Variants in SMIM22 observed in about 807,000 individuals in gnomAD.
SMIM22 encodes the protein cancer associated small integral membrane open reading frame 1.
Under a neutral mutation model 8.4 loss-of-function variants are expected in SMIM22, and 16 were observed. That is an observed-to-expected ratio of 1.90 (90% confidence interval 1.29 to 2.89). The LOEUF (loss-of-function observed/expected upper bound fraction) is 2.89, where lower values mean the gene tolerates loss of function less well. Among genes scored for constraint, SMIM22 ranks in the 30% most tolerant of loss-of-function variants. The probability of loss-of-function intolerance (pLI) is 0.00; values close to 1 mark genes in which losing one functional copy is unlikely to be tolerated. For synonymous variants in SMIM22, 67 were observed against 47.6 expected, an observed-to-expected ratio of 1.41 and a Z score of -1.68; for missense variants, 159 against 107.5, an observed-to-expected ratio of 1.48 and a Z score of -2.12.
upstream of SMIM22, among the ~76,000 whole-genome samples, chr16:4,790,818 GTAAA>G (rs113274697): frequency 3.7e-3 from 562 of 152,224 alleles, 6 homozygotes; most frequent in Non-Finnish European, 6.1e-3. Context: ...AAATAAGTAA[GTAAA>G]TAAATAAAGG....
upstream of SMIM22, among the ~76,000 whole-genome samples, chr16:4,791,093 C>T (rs185824192): frequency 3.3e-5 from 5 of 152,342 alleles, no homozygotes; most frequent in South Asian, 4.1e-4. Flanking sequence ...TAAGGAAATG[C>T]GCCTCTGTGC....
chr16:4,789,833 A>C (rs1469400595), intron 2 of SMIM22: 1 of 151,794 alleles, frequency 6.6e-6, no homozygotes, highest in Non-Finnish European at 1.5e-5. Context: ...TGACTTCACA[A>C]GGCTTAGGCA....
At chr16:4,793,982 CG>C (rs778046203), upstream of SMIM22, among the ~76,000 whole-genome samples, 4 of 152,096 alleles carry the variant, frequency 2.6e-5, no homozygotes, top group South Asian at 2.1e-4. Flanking sequence ...GTCACCCAGG[CG>C]GGTGTGCGGT....
intron 2 of SMIM22, among the ~76,000 whole-genome samples, chr16:4,789,274 A>C (rs1406189233): frequency 1.3e-5 from 2 of 151,440 alleles, no homozygotes; most frequent in Non-Finnish European, 2.9e-5. Flanking sequence ...GGTCTCCCAA[A>C]GTGTTGGGAT....
At position 4,789,417 on chromosome 16, in the gene SMIM22, C is replaced by T. The variant is rs2141887352; in HGVS notation, c.-146+646C>T. Among the ~76,000 whole-genome samples, 3 of 152,126 alleles carry T rather than the reference C, an allele frequency of 2.0e-5. 1 individual carries two copies. The South Asian group carries it at 6.2e-4, about 32-fold the overall frequency. ...CTCGGCTCACTGTAAGCTCTGCCTCCCGGGTTCACGCCGCTCTCCTGCCTC... is the reference window on the plus strand; with the variant it reads ...CTCGGCTCACTGTAAGCTCTGCCTCTCGGGTTCACGCCGCTCTCCTGCCTC... On this transcript the variant is annotated intron_variant, in intron 2 of 5. Coordinates refer to the SMIM22 transcript ENST00000589327.
At chr16:4,794,710 G>A (rs1188439866), upstream of SMIM22, among the ~76,000 whole-genome samples, 2 of 152,100 alleles carry the variant, frequency 1.3e-5, no homozygotes, top group Non-Finnish European at 2.9e-5. Context: ...GTGAGCCACT[G>A]CGCCCGGCCC....
upstream of SMIM22, among the ~76,000 whole-genome samples, chr16:4,791,209 C>A (rs971262283): frequency 6.6e-6 from 1 of 152,148 alleles, no homozygotes; most frequent in African/African-American, 2.4e-5. Flanking sequence ...GTAGGGACTG[C>A]ACCATGTAAG....
At position 4,795,782 on chromosome 16, in the gene SMIM22, G is replaced by A. The variant is rs1481334189; in HGVS notation, c.48G>A (p.Leu16=). The A allele has an allele frequency of 6.5e-7, 1 of 1,535,868 alleles. No homozygotes were observed. Among genetic ancestry groups the A allele is most frequent in the Non-Finnish European group, 8.7e-7 (1 of 1,146,836 alleles). Residue 16 remains leucine, a synonymous_variant, in exon 2 of 4, where the codon CTG becomes CTA. Transcript: ENST00000586005. ...TGGAGGCCACGGTTCAGGAAGTCCT[G>A]GGGAGACTGAAGAGCCACCAGTTTT... ...EELEATVQEV[L]GRLKSHQFFQ...
upstream of SMIM22, among the ~76,000 whole-genome samples, chr16:4,790,712 C>T (rs553482902): frequency 6.6e-6 from 1 of 152,252 alleles, no homozygotes; most frequent in South Asian, 2.1e-4. Context: ...TAGCTTGAAC[C>T]GAGGAGGTGG....
upstream of SMIM22, among the ~76,000 whole-genome samples, chr16:4,791,754 C>G (rs1433957333): frequency 6.6e-6 from 1 of 152,150 alleles, no homozygotes; most frequent in Non-Finnish European, 1.5e-5. Context: ...GTGGCGAGAT[C>G]TTGGCTCCCT....
chr16:4,793,754 A>G (rs1274331091), upstream of SMIM22, among the ~76,000 whole-genome samples: 1 of 151,808 alleles, frequency 6.6e-6, no homozygotes, highest in Non-Finnish European at 1.5e-5. Context: ...TTTACCTAGC[A>G]TACATTATAT....
chr16:4,789,087 C>T (rs570163156), intron 2 of SMIM22, among the ~76,000 whole-genome samples: 2 of 152,222 alleles, frequency 1.3e-5, no homozygotes, highest in East Asian at 1.9e-4. Context: ...GGCGCGATCT[C>T]GGCTCACTGC....
chr16:4,792,821 A>G (rs559448218), upstream of SMIM22, among the ~76,000 whole-genome samples: 2 of 150,514 alleles, frequency 1.3e-5, no homozygotes, highest in South Asian at 4.2e-4. Flanking sequence ...AAAAAAAAAA[A>G]AAAAAAGGCC....
intron 1 of SMIM22, 112 bp from the exon 2 acceptor site, chr16:4,795,603 G>A: frequency 2.3e-6 from 3 of 1,319,970 alleles, no homozygotes; most frequent in Non-Finnish European, 3.0e-6. Flanking sequence ...AGGGGGTGGG[G>A]AAGCTGGCGC....
chr16:4,796,346 C>A lies in SMIM22; in HGVS notation c.*115C>A, dbSNP rs2082644827. 2 of 1,273,676 alleles carry A rather than the reference C, an allele frequency of 1.6e-6. No homozygotes were observed. The highest frequency in any genetic ancestry group is 1.5e-5 in the African/African-American group (1 of 67,788). 78.9% of individuals were successfully genotyped at this position (1,273,676 alleles called of 1,614,324 possible). Reference sequence around the variant, plus strand: ...GTGACGCGGGACTCGCCGCCCCACTCAGGTGGCCACCTGGCCTCTCCAAGC... The same window carrying A: ...GTGACGCGGGACTCGCCGCCCCACTAAGGTGGCCACCTGGCCTCTCCAAGC... On this transcript the variant is annotated 3_prime_UTR_variant, in exon 4 of 4. Transcript: ENST00000586005.
At chr16:4,793,157 G>T (rs528451043), upstream of SMIM22, among the ~76,000 whole-genome samples, 4 of 151,146 alleles carry the variant, frequency 2.6e-5, no homozygotes, top group Admixed American at 2.6e-4. Flanking sequence ...AGAGTCAGAG[G>T]AGGAGACGTG....
chr16:4,791,498 T>C (rs1034305004), upstream of SMIM22, among the ~76,000 whole-genome samples: 39 of 152,238 alleles, frequency 2.6e-4, no homozygotes, highest in African/African-American at 8.4e-4. Context: ...ACTATTAACA[T>C]ACCCATTTTA....
Position 4,795,396 on chromosome 16 carries a change from C to G in SMIM22, c.-74C>G, listed in dbSNP as rs2082618044. The G allele has an allele frequency of 7.1e-6, 2 of 282,454 alleles. No individual in the cohort carries two copies. The highest frequency in any genetic ancestry group is 8.5e-5 in the South Asian group (2 of 23,402). The allele number at this position is 282,454 out of a possible 1,614,324, so 17.5% of individuals were successfully genotyped here. On this transcript the variant is annotated 5_prime_UTR_variant, in exon 1 of 4. Coordinates refer to ENST00000586005, the MANE Select transcript of SMIM22 (RefSeq NM_001253794.2). ...GTGGTGTGGAGCCGGAAGCAGGAAG[C>G]AGCCTGTGCTCCCCAGGACCTGCCT...
chr16:4,791,451 G>C (rs1402042754), upstream of SMIM22, among the ~76,000 whole-genome samples: 2 of 152,170 alleles, frequency 1.3e-5, no homozygotes, highest in Admixed American at 6.6e-5. Flanking sequence ...TCGATGATCA[G>C]TTCATTTCAT....
Sources: gnomAD v4.1 joint callset for allele counts (sites outside exome capture counted in the v4.1 genomes callset) on GRCh38, gnomAD v4.1.1 for gene constraint, MANE v1.5 for transcripts, NCBI Gene and HGNC (gene_info 2026-07-23, HGNC 2026-07-21) for gene names.